Variants in CNTN3 observed in about 807,000 individuals in gnomAD.
The protein encoded by CNTN3 is contactin 3.
In CNTN3, 60 loss-of-function variants were observed where a neutral mutation model predicts 119.1. That is an observed-to-expected ratio of 0.50 (90% CI 0.41 to 0.62). CNTN3 has a LOEUF of 0.62. Among genes scored for constraint, CNTN3 ranks in the 20% least tolerant of loss-of-function variants. The pLI is 0.00. For synonymous variants in CNTN3, 450 were observed against 438.7 expected (o/e 1.03, Z -0.32); for missense variants, 1,101 against 1,242.4 (o/e 0.89, Z 1.71).
At chr3:74,531,909 G>A (rs559203745) in intron 1 of CNTN3, among the ~76,000 whole-genome samples, 34 of 151,940 alleles carry the variant, frequency 2.2e-4, no homozygotes, top group Middle Eastern at 3.4e-3. Flanking sequence ...TGTGATGGTC[G>A]ACCATCAAAG....
At chr3:74,473,872 G>A (rs1702608301) in intron 4 of CNTN3, among the ~76,000 whole-genome samples, 1 of 152,172 alleles carries the variant, frequency 6.6e-6, no homozygotes, top group Non-Finnish European at 1.5e-5. Flanking sequence ...GCAGGGAAGA[G>A]GAAGGAGATC....
chr3:74,575,435 G>A (rs1575840143), intron 1 of CNTN3, among the ~76,000 whole-genome samples: 1 of 150,900 alleles, frequency 6.6e-6, no homozygotes, highest in South Asian at 2.1e-4. Flanking sequence ...TATTTTTAGT[G>A]GAGACAGGGT....
At chr3:74,372,452 G>T (rs189106657) in intron 5 of CNTN3, among the ~76,000 whole-genome samples, 1 of 152,164 alleles carries the variant, frequency 6.6e-6, no homozygotes, top group African/African-American at 2.4e-5. Context: ...GGCCCAGGTT[G>T]TTCAGTGCCA....
intron 5 of CNTN3, among the ~76,000 whole-genome samples, chr3:74,391,013 T>C (rs961324876): frequency 3.3e-5 from 5 of 152,190 alleles, no homozygotes; most frequent in Admixed American, 6.5e-5. Context: ...AGATGTGTCT[T>C]ACCGGAGGAA....
At chr3:74,567,731 C>T (rs1348338577) in intron 1 of CNTN3, among the ~76,000 whole-genome samples, 1 of 151,924 alleles carries the variant, frequency 6.6e-6, no homozygotes, top group Non-Finnish European at 1.5e-5. Context: ...TCAAGATGCT[C>T]AGAATAGCAT....
At chr3:74,366,759 C>CGTGTGT (rs35769290) in intron 8 of CNTN3, among the ~76,000 whole-genome samples, 5 of 79,058 alleles carry the variant, frequency 6.3e-5, no homozygotes, top group African/African-American at 1.6e-4. Context: ...TGTGTGTGTG[C>CGTGTGT]GTGTGTGTGT....
intron 20 of CNTN3, among the ~76,000 whole-genome samples, chr3:74,275,802 T>C (rs1701867571): frequency 6.6e-6 from 1 of 152,066 alleles, no homozygotes; most frequent in Non-Finnish European, 1.5e-5. Context: ...AATACTAACA[T>C]TGAATTTAAA....
intron 20 of CNTN3, among the ~76,000 whole-genome samples, 193 bp downstream of exon 20, chr3:74,285,112 T>C (rs1278140279): frequency 6.6e-6 from 1 of 152,154 alleles, no homozygotes; most frequent in Non-Finnish European, 1.5e-5. Context: ...ATTTTCACAC[T>C]CTACCTAAAG....
At chr3:74,365,827 T>C in intron 8 of CNTN3, 125 bp from the exon 9 acceptor site, 1 of 1,072,102 alleles carries the variant, frequency 9.3e-7, no homozygotes, top group Non-Finnish European at 1.3e-6. Context: ...CAGATTGAAG[T>C]GAGAACAGAG....
At chr3:74,573,141 T>C (rs1485291347) in intron 1 of CNTN3, among the ~76,000 whole-genome samples, 1 of 152,172 alleles carries the variant, frequency 6.6e-6, no homozygotes, top group Non-Finnish European at 1.5e-5. Flanking sequence ...CACAGGAATC[T>C]AGTGAATTGG....
intron 11 of CNTN3, among the ~76,000 whole-genome samples, chr3:74,340,893 G>A (rs1703519056): frequency 6.6e-6 from 1 of 152,118 alleles, no homozygotes; most frequent in Non-Finnish European, 1.5e-5. Flanking sequence ...TATCTTCTAT[G>A]CAATGAATTA....
chr3:74,532,229 A>C (rs1379759758), intron 1 of CNTN3, among the ~76,000 whole-genome samples: 1 of 151,836 alleles, frequency 6.6e-6, no homozygotes, highest in African/African-American at 2.4e-5. Context: ...ATAAGTGAGA[A>C]TGAGAGAGAT....
chr3:74,555,965 A>G (rs564515002), intron 1 of CNTN3, among the ~76,000 whole-genome samples: 1 of 152,162 alleles, frequency 6.6e-6, no homozygotes, highest in South Asian at 2.1e-4. Context: ...TACGGTGTCT[A>G]TTTGGGTCTT....
intron 11 of CNTN3, among the ~76,000 whole-genome samples, chr3:74,357,471 C>A (rs1236864259): frequency 3.3e-5 from 5 of 151,878 alleles, no homozygotes; most frequent in Admixed American, 6.6e-5. Context: ...TTAGTAGAGA[C>A]AGGGTTTCTC....
chr3:74,333,106 G>A (rs538512990), intron 13 of CNTN3, among the ~76,000 whole-genome samples: 2 of 152,324 alleles, frequency 1.3e-5, no homozygotes, highest in Non-Finnish European at 2.9e-5. Flanking sequence ...AGTTCTCAAA[G>A]GCTGTGAATC....
chr3:74,489,452 C>CT (rs777105652), intron 3 of CNTN3, among the ~76,000 whole-genome samples: 9 of 76,852 alleles, frequency 1.2e-4, no homozygotes, highest in South Asian at 4.0e-4. Flanking sequence ...CCTTCCCTTC[C>CT]TCCCTTCCTC....
At chr3:74,451,525 C>A (rs1702155735) in intron 4 of CNTN3, among the ~76,000 whole-genome samples, 2 of 152,068 alleles carry the variant, frequency 1.3e-5, no homozygotes, top group Non-Finnish European at 2.9e-5. Flanking sequence ...TTAATTAGAT[C>A]CCATTTGTCA....
At chr3:74,588,420 G>A (rs1387418450) in intron 1 of CNTN3, among the ~76,000 whole-genome samples, 2 of 151,952 alleles carry the variant, frequency 1.3e-5, no homozygotes, top group South Asian at 2.1e-4. Flanking sequence ...ACCTCTTCAA[G>A]GAGAACTACA....
chr3:74,554,042 T>C (rs1040015645), intron 1 of CNTN3, among the ~76,000 whole-genome samples: 3 of 152,226 alleles, frequency 2.0e-5, no homozygotes, highest in African/African-American at 7.2e-5. Context: ...AGGATTTTTA[T>C]GGTCCTAGGT....
Sources: gnomAD v4.1 joint callset for allele counts (sites outside exome capture counted in the v4.1 genomes callset) on GRCh38, gnomAD v4.1.1 for gene constraint, MANE v1.5 for transcripts, NCBI Gene and HGNC (gene_info 2026-07-23, HGNC 2026-07-21) for gene names.